Variants in CDK14 observed in about 807,000 individuals in gnomAD.
CDK14 encodes the protein cyclin dependent kinase 14.
A neutral mutation model predicts 60.7 loss-of-function variants in CDK14; 34 were observed. The ratio of observed to expected loss-of-function variants is 0.56; its 90% CI spans 0.43 to 0.75. The LOEUF (loss-of-function observed/expected upper bound fraction) is 0.75. Ranked by LOEUF, CDK14 falls within the 30% of genes least tolerant of loss-of-function variation. The probability of loss-of-function intolerance (pLI) is 0.00; values close to 1 mark genes in which losing one functional copy is unlikely to be tolerated. For missense variants in CDK14, 482 were observed against 564.1 expected, an observed-to-expected ratio of 0.85 and a Z score of 1.47; for synonymous variants, 197 against 203.7, an observed-to-expected ratio of 0.97 and a Z score of 0.28.
intron 4 of CDK14, among the ~76,000 whole-genome samples, chr7:90,784,252 A>G (rs776644949): frequency 3.3e-5 from 5 of 152,202 alleles, no homozygotes; most frequent in Non-Finnish European, 7.4e-5. Flanking sequence ...AATGATGGTT[A>G]CTGGAGGTTG....
chr7:90,812,437 A>T (rs908761132), intron 5 of CDK14, among the ~76,000 whole-genome samples: 3 of 152,072 alleles, frequency 2.0e-5, no homozygotes, highest in Admixed American at 6.5e-5. Flanking sequence ...TGGACACAGG[A>T]AGGGGCATAT....
intron 2 of CDK14, among the ~76,000 whole-genome samples, chr7:90,651,832 T>G (rs1800650406): frequency 6.6e-6 from 1 of 152,174 alleles, no homozygotes. Flanking sequence ...AATTCCTTAG[T>G]CCGCAGTGGT....
chr7:90,633,722 A>G lies in CDK14; in HGVS notation c.123+29473A>G, dbSNP rs149398401. 2.7e-3 allele frequency among the ~76,000 whole-genome samples: 408 copies of G among 152,300 alleles called. 2 individuals carry two copies. Among genetic ancestry groups the G allele is most frequent in the African/African-American group, 9.4e-3 (390 of 41,570 alleles). ...TAAATACTTGGCATAATAAATGCCT[A>G]AAAGACATTTTATTTTATAAATCTT... On this transcript the variant is annotated intron_variant, in intron 2 of 14. Transcript: ENST00000380050.
chr7:90,708,341 G>A (rs1801946478), intron 2 of CDK14, among the ~76,000 whole-genome samples: 1 of 152,116 alleles, frequency 6.6e-6, no homozygotes, highest in African/African-American at 2.4e-5. Context: ...TTGTGGGCTG[G>A]AGGGATAACC....
At chr7:91,179,839 T>C (rs1297259377) in intron 14 of CDK14, among the ~76,000 whole-genome samples, 1 of 152,156 alleles carries the variant, frequency 6.6e-6, no homozygotes, top group African/African-American at 2.4e-5. Context: ...TTAATAATTA[T>C]TTTCGAATTT....
intron 5 of CDK14, among the ~76,000 whole-genome samples, chr7:90,850,944 A>T (rs1790629260): frequency 6.6e-6 from 1 of 152,192 alleles, no homozygotes; most frequent in African/African-American, 2.4e-5. Context: ...CACAACAATC[A>T]GGATATATCT....
At chr7:90,873,006 T>G (rs1791424410) in intron 6 of CDK14, among the ~76,000 whole-genome samples, 1 of 152,220 alleles carries the variant, frequency 6.6e-6, no homozygotes, top group African/African-American at 2.4e-5. Flanking sequence ...AATAAAAAGA[T>G]AATTCCTTTG....
intron 6 of CDK14, among the ~76,000 whole-genome samples, chr7:90,865,091 C>T (rs1197427009): frequency 1.3e-5 from 2 of 152,102 alleles, no homozygotes; most frequent in Admixed American, 1.3e-4. Flanking sequence ...TTGCCTTTTT[C>T]CTTTCTACCT....
chr7:90,650,987 T>G (rs939811491), intron 2 of CDK14, among the ~76,000 whole-genome samples: 2 of 152,230 alleles, frequency 1.3e-5, no homozygotes, highest in African/African-American at 4.8e-5. Context: ...TTTCCAATTC[T>G]GTGAAGAAAG....
intron 4 of CDK14, among the ~76,000 whole-genome samples, chr7:90,776,526 G>T (rs951552289): frequency 6.6e-6 from 1 of 152,188 alleles, no homozygotes. Context: ...TAGAAACCGA[G>T]TGTGAGCTCG....
At chr7:90,735,229 T>C (rs1803043495) in intron 3 of CDK14, among the ~76,000 whole-genome samples, 1 of 152,284 alleles carries the variant, frequency 6.6e-6, no homozygotes, top group South Asian at 2.1e-4. Flanking sequence ...AGAATTATCC[T>C]GTATGAGTTT....
intron 5 of CDK14, among the ~76,000 whole-genome samples, chr7:90,835,515 G>A (rs1430760374): frequency 6.6e-6 from 1 of 152,170 alleles, no homozygotes; most frequent in Non-Finnish European, 1.5e-5. Context: ...ATACATGTAA[G>A]TCTCTGTGCA....
chr7:91,074,385 C>G (rs895169181), intron 11 of CDK14, among the ~76,000 whole-genome samples: 15 of 152,170 alleles, frequency 9.9e-5, no homozygotes, highest in African/African-American at 3.6e-4. Flanking sequence ...ATTGAATAGC[C>G]TGCCCCTGAA....
intron 2 of CDK14, among the ~76,000 whole-genome samples, chr7:90,721,375 C>A (rs908348490): frequency 6.6e-6 from 1 of 152,154 alleles, no homozygotes; most frequent in Non-Finnish European, 1.5e-5. Context: ...AGTAACTTTT[C>A]TCTTTTGAAA....
At chr7:91,031,606 C>T (rs1796761044) in intron 10 of CDK14, among the ~76,000 whole-genome samples, 1 of 152,000 alleles carries the variant, frequency 6.6e-6, no homozygotes, top group African/African-American at 2.4e-5. Context: ...GGGCCTTAGC[C>T]AAACGATTAG....
At chr7:90,924,271 C>T (rs13228344) in intron 8 of CDK14, among the ~76,000 whole-genome samples, 26,104 of 152,192 alleles carry the variant, frequency 0.17, 2,373 homozygotes, top group African/African-American at 0.21. Context: ...CTGTGATAAC[C>T]CATTAATACA....
intron 2 of CDK14, among the ~76,000 whole-genome samples, chr7:90,682,717 C>G (rs1274209533): frequency 2.6e-5 from 4 of 152,156 alleles, no homozygotes; most frequent in Non-Finnish European, 5.9e-5. Flanking sequence ...TAGAATCATG[C>G]ATTACATTTA....
At chr7:90,818,918 A>C in intron 5 of CDK14, among the ~76,000 whole-genome samples, 1 of 151,372 alleles carries the variant, frequency 6.6e-6, no homozygotes, top group South Asian at 2.1e-4. Flanking sequence ...GTATATATAT[A>C]TAATTTGTTA....
At chr7:91,007,772 G>A (rs1426856042) in intron 10 of CDK14, among the ~76,000 whole-genome samples, 1 of 149,502 alleles carries the variant, frequency 6.7e-6, no homozygotes, top group Non-Finnish European at 1.5e-5. Context: ...AAGATAGTTT[G>A]TGAAAACAGG....
Sources: allele counts gnomAD v4.1 joint callset (sites outside exome capture counted in the v4.1 genomes callset), GRCh38; gene constraint gnomAD v4.1.1; transcripts MANE v1.5; gene names NCBI Gene and HGNC (gene_info 2026-07-23, HGNC 2026-07-21).